Variants in EFCAB7 observed in about 807,000 individuals in gnomAD.
EFCAB7 encodes the protein EF-hand calcium-binding domain-containing protein 7.
A neutral mutation model predicts 77.1 loss-of-function variants in EFCAB7; 66 were observed. That is an observed-to-expected ratio of 0.86 (90% confidence interval 0.70 to 1.05). EFCAB7 has a LOEUF of 1.05. Ranked by LOEUF, EFCAB7 falls within the 50% of genes least tolerant of loss-of-function variation. EFCAB7 has a pLI of 0.00. For synonymous variants in EFCAB7, 225 were observed against 243.3 expected, an observed-to-expected ratio of 0.92 and a Z score of 0.70; for missense variants, 638 against 730.5, an observed-to-expected ratio of 0.87 and a Z score of 1.46.
At chr1:63,537,711 A>ATT (rs1646779738) in intron 6 of EFCAB7, among the ~76,000 whole-genome samples, 4 of 152,200 alleles carry the variant, frequency 2.6e-5, no homozygotes, top group African/African-American at 9.7e-5. Context: ...TTTAATAACA[A>ATT]AAAGTGCAAC....
chr1:63,532,553 T>C, intron 3 of EFCAB7, 117 bp from the exon 4 acceptor site: 1 of 656,464 alleles, frequency 1.5e-6, no homozygotes, highest in Non-Finnish European at 2.6e-6. Context: ...TGATTTATAA[T>C]GAAGCAATAC....
chr1:63,550,098 A>C (rs866269673), intron 7 of EFCAB7: 5 of 152,404 alleles, frequency 3.3e-5, no homozygotes, highest in African/African-American at 1.2e-4. Context: ...ATTTTAAGCC[A>C]GTTTTACACT....
chr1:63,540,967 A>G (rs1646822493), intron 6 of EFCAB7, among the ~76,000 whole-genome samples: 2 of 152,186 alleles, frequency 1.3e-5, no homozygotes, highest in African/African-American at 4.8e-5. Flanking sequence ...TACATTCATT[A>G]ACACTCACAG....
At chr1:63,539,854 C>T (rs890746547) in intron 6 of EFCAB7, among the ~76,000 whole-genome samples, 7 of 152,084 alleles carry the variant, frequency 4.6e-5, no homozygotes, top group African/African-American at 1.7e-4. Context: ...AATCATAATT[C>T]AAACTGTCTC....
At chr1:63,584,745 A>G in the EFCAB7 span, among the ~76,000 whole-genome samples, 1 of 152,204 alleles carries the variant, frequency 6.6e-6, no homozygotes, top group Non-Finnish European at 1.5e-5. Context: ...CTCTTATGGT[A>G]ACAAATAACA....
intron 2 of EFCAB7, among the ~76,000 whole-genome samples, chr1:63,530,958 G>C (rs1646684556): frequency 6.6e-6 from 1 of 152,126 alleles, no homozygotes; most frequent in Non-Finnish European, 1.5e-5. Context: ...AATCAAGGTA[G>C]TTAGTATATC....
At chr1:63,532,370 T>A (rs553631227) in intron 3 of EFCAB7, among the ~76,000 whole-genome samples, 2 of 152,206 alleles carry the variant, frequency 1.3e-5, no homozygotes, top group East Asian at 3.9e-4. Flanking sequence ...TGTTTTTTGA[T>A]ACAATGTTAG....
intron 6 of EFCAB7, among the ~76,000 whole-genome samples, chr1:63,537,942 A>G (rs1324324037): frequency 6.6e-6 from 1 of 152,168 alleles, no homozygotes; most frequent in Non-Finnish European, 1.5e-5. Context: ...TTCATTCACT[A>G]CAGTGTTCCA....
intron 2 of EFCAB7, among the ~76,000 whole-genome samples, chr1:63,528,848 T>A: frequency 6.6e-6 from 1 of 152,224 alleles, no homozygotes; most frequent in East Asian, 1.9e-4. Context: ...ATGATTCAGT[T>A]AACCACTCCT....
chr1:63,574,267 T>A (rs1423090147), downstream of EFCAB7, among the ~76,000 whole-genome samples: 1 of 152,042 alleles, frequency 6.6e-6, no homozygotes, highest in Non-Finnish European at 1.5e-5. Context: ...AGTCCCATGA[T>A]GGAAAGGAAA....
downstream of EFCAB7, among the ~76,000 whole-genome samples, chr1:63,573,308 G>A (rs1192889951): frequency 1.3e-5 from 2 of 152,038 alleles, no homozygotes; most frequent in African/African-American, 2.4e-5. Context: ...ATATTGTGGG[G>A]TTGTTAGAAG....
chr1:63,546,214 A>G (rs898277967), intron 7 of EFCAB7, among the ~76,000 whole-genome samples, 157 bp downstream of exon 7: 17 of 152,212 alleles, frequency 1.1e-4, no homozygotes, highest in East Asian at 3.8e-4. Flanking sequence ...TTATACATGA[A>G]CTGTGTTAAT....
the EFCAB7 span, among the ~76,000 whole-genome samples, chr1:63,582,856 C>A: frequency 4.6e-5 from 7 of 152,188 alleles, no homozygotes; most frequent in Non-Finnish European, 1.0e-4. Context: ...CCACCCACCT[C>A]GGCCTCCCAA....
intron 3 of EFCAB7, among the ~76,000 whole-genome samples, chr1:63,532,390 T>C (rs1055960191): frequency 6.6e-6 from 1 of 152,054 alleles, no homozygotes; most frequent in Non-Finnish European, 1.5e-5. Context: ...GAAAATATCA[T>C]TCCCCTAAAC....
rs1281068619 is a variant in EFCAB7, at chr1:63,531,752, GA to G, written c.188-61del. 8 of 1,362,116 alleles carry G rather than the reference GA, an allele frequency of 5.9e-6. No homozygotes were observed. In the African/African-American group the frequency reaches 7.4e-5, roughly 13 times the overall value. The allele number at this position is 1,362,116 out of a possible 1,614,324, so 84.4% of individuals were successfully genotyped here. On this transcript the variant is annotated intron_variant, in intron 2 of 13. Coordinates refer to ENST00000371088, the MANE Select transcript of EFCAB7 (RefSeq NM_032437.4). ...ATATCATAATACATAATGATTTGAA[GA>G]AAAAAATGCGCTTAAGTACAAATTC...
At chr1:63,549,546 G>A (rs217485) in intron 7 of EFCAB7, 250,161 of 446,462 alleles carry the variant, frequency 0.56, 73,883 homozygotes, top group African/African-American at 0.82. Flanking sequence ...GTTATTTCTC[G>A]TTGAATACTA....
chr1:63,572,042 C>T (rs1647277434), intron 13 of EFCAB7, among the ~76,000 whole-genome samples: 1 of 152,140 alleles, frequency 6.6e-6, no homozygotes. Flanking sequence ...AAGGAAAAAG[C>T]TTCCTATTCT....
At chr1:63,561,006 T>C (rs1390545884) in intron 10 of EFCAB7, among the ~76,000 whole-genome samples, 1 of 152,158 alleles carries the variant, frequency 6.6e-6, no homozygotes, top group Non-Finnish European at 1.5e-5. Context: ...TAACAAAATA[T>C]CCATAATAAA....
the EFCAB7 span, among the ~76,000 whole-genome samples, chr1:63,583,732 A>C: frequency 6.6e-6 from 1 of 152,158 alleles, no homozygotes; most frequent in Admixed American, 6.5e-5. Context: ...AAAATAAAAG[A>C]CTGAAAGATT....
Sources: allele counts gnomAD v4.1 joint callset (sites outside exome capture counted in the v4.1 genomes callset), GRCh38; gene constraint gnomAD v4.1.1; transcripts MANE v1.5; gene names NCBI Gene and HGNC (gene_info 2026-07-23, HGNC 2026-07-21).